L3MBTL4: variants seen among roughly 807,000 people sequenced by gnomAD.
L3MBTL4 encodes lethal(3)malignant brain tumor-like protein 4.
A neutral mutation model predicts 84.5 loss-of-function variants in L3MBTL4; 70 were observed. The observed-to-expected ratio is 0.83, with a 90% CI of 0.68 to 1.01. The LOEUF (loss-of-function observed/expected upper bound fraction) is 1.01, where lower values mean the gene tolerates loss of function less well. Ranked by LOEUF, L3MBTL4 falls within the 50% of genes least tolerant of loss-of-function variation. The pLI is 0.00. For missense variants in L3MBTL4, 715 were observed against 754.8 expected (o/e 0.95, Z 0.62); for synonymous variants, 274 against 259.8 (o/e 1.05, Z -0.52).
intron 16 of L3MBTL4, among the ~76,000 whole-genome samples, chr18:6,057,751 A>C (rs917245609): frequency 6.6e-6 from 1 of 152,224 alleles, no homozygotes; most frequent in African/African-American, 2.4e-5. Context: ...TGTCTGTGCT[A>C]ATAAATAAAG....
At chr18:5,989,865 G>T (rs529043215) in intron 16 of L3MBTL4, among the ~76,000 whole-genome samples, 15 of 152,338 alleles carry the variant, frequency 9.8e-5, no homozygotes, top group African/African-American at 3.4e-4. Context: ...CACTTGGAAG[G>T]TCCCCTTTGC....
intron 10 of L3MBTL4, among the ~76,000 whole-genome samples, chr18:6,226,165 C>G (rs73385925): frequency 0.1 from 15,345 of 152,026 alleles, 2,618 homozygotes; most frequent in African/African-American, 0.35. Flanking sequence ...CCAACACTTT[C>G]GGAGGCAGAG....
intron 10 of L3MBTL4, among the ~76,000 whole-genome samples, chr18:6,236,004 G>GA (rs1221506994): frequency 6.6e-6 from 1 of 152,172 alleles, no homozygotes; most frequent in African/African-American, 2.4e-5. Flanking sequence ...ATATTGTGAA[G>GA]ATGACAATAC....
intron 12 of L3MBTL4, among the ~76,000 whole-genome samples, chr18:6,178,745 A>C (rs1191082875): frequency 2.6e-5 from 4 of 152,208 alleles, no homozygotes; most frequent in African/African-American, 9.6e-5. Context: ...ATAACTTGGA[A>C]ATTTAAAAGT....
intron 4 of L3MBTL4, among the ~76,000 whole-genome samples, chr18:6,297,242 G>T (rs1202955721): frequency 6.6e-6 from 1 of 152,176 alleles, no homozygotes; most frequent in Non-Finnish European, 1.5e-5. Flanking sequence ...GATGCTACTG[G>T]CGACTTCTGG....
intron 17 of L3MBTL4, 138 bp from the exon 18 acceptor site, chr18:5,960,294 T>A (rs2095257266): frequency 7.8e-6 from 3 of 383,260 alleles, no homozygotes; most frequent in African/African-American, 2.1e-5. Flanking sequence ...TCAAGTTGCA[T>A]TAGCATTTGT....
chr18:6,241,595 T>A, intron 7 of L3MBTL4, 146 bp from the exon 8 acceptor site: 1 of 523,910 alleles, frequency 1.9e-6, no homozygotes. Flanking sequence ...CAACCTCATA[T>A]GGTTATTATT....
chr18:6,382,584 T>G (rs1805467925), intron 1 of L3MBTL4, among the ~76,000 whole-genome samples: 1 of 152,238 alleles, frequency 6.6e-6, no homozygotes, highest in African/African-American at 2.4e-5. Flanking sequence ...GCTGCAGGTC[T>G]GCTGCAGTTT....
intron 1 of L3MBTL4, among the ~76,000 whole-genome samples, chr18:6,402,411 C>T (rs2055551153): frequency 6.6e-6 from 1 of 152,086 alleles, no homozygotes; most frequent in Non-Finnish European, 1.5e-5. Flanking sequence ...TAAAATATAA[C>T]TCAGTCTTAA....
chr18:6,250,033 G>A (rs1292414902), intron 5 of L3MBTL4, among the ~76,000 whole-genome samples: 1 of 152,186 alleles, frequency 6.6e-6, no homozygotes, highest in Non-Finnish European at 1.5e-5. Context: ...CCTGGCTAGA[G>A]GCCATGGAAG....
At chr18:6,311,682 T>G in intron 2 of L3MBTL4, 26 bp from the exon 3 acceptor site, 1 of 1,387,266 alleles carries the variant, frequency 7.2e-7, no homozygotes, top group South Asian at 1.2e-5. Flanking sequence ...ACATAAGAAG[T>G]TGGGGATGGG....
chr18:6,078,279 T>C (rs911661137), intron 16 of L3MBTL4, among the ~76,000 whole-genome samples: 25 of 151,402 alleles, frequency 1.7e-4, no homozygotes, highest in Non-Finnish European at 3.4e-4. Context: ...TACAAAAAGT[T>C]AGCCGGATGT....
At chr18:6,358,068 G>A (rs1449590141) in intron 1 of L3MBTL4, among the ~76,000 whole-genome samples, 1 of 152,132 alleles carries the variant, frequency 6.6e-6, no homozygotes, top group African/African-American at 2.4e-5. Context: ...CCCCCATCAA[G>A]GTGGAGAAAA....
chr18:6,053,696 C>T (rs1009307289), intron 16 of L3MBTL4, among the ~76,000 whole-genome samples: 7 of 152,168 alleles, frequency 4.6e-5, no homozygotes, highest in Non-Finnish European at 1.0e-4. Flanking sequence ...TCTCTGGTTG[C>T]GCCTATGGTC....
intron 16 of L3MBTL4, among the ~76,000 whole-genome samples, chr18:6,022,611 T>A (rs2055321487): frequency 2.6e-5 from 4 of 152,228 alleles, no homozygotes; most frequent in African/African-American, 9.6e-5. Context: ...AGCATAGTGC[T>A]ACTTACTTGC....
Position 6,343,406 on chromosome 18 carries a change from G to A in L3MBTL4, c.-90-31350C>T, listed in dbSNP as rs144512440. The stretch of plus-strand genomic sequence containing the variant: ...CGGCTGGGTGCGGTGGCTCATGCCT[G>A]TAATCCCAGCACTCTGGGAGGCCGA... On this transcript the variant is annotated intron_variant, in intron 1 of 18. Coordinates refer to ENST00000317931, the MANE Select transcript of L3MBTL4 (RefSeq NM_001330559.2). 7.8e-3 allele frequency among the ~76,000 whole-genome samples: 1,192 copies of A among 152,280 alleles called. 13 individuals are homozygous for A. Among genetic ancestry groups the A allele is most frequent in the South Asian group, 0.04 (194 of 4,818 alleles).
intron 1 of L3MBTL4, among the ~76,000 whole-genome samples, chr18:6,342,821 G>A (rs1324486617): frequency 2.0e-5 from 3 of 151,776 alleles, no homozygotes; most frequent in South Asian, 4.2e-4. Context: ...ATCCAACTAT[G>A]AGCTGTTTCT....
At chr18:6,090,268 G>A (rs995614460) in intron 15 of L3MBTL4, among the ~76,000 whole-genome samples, 5 of 151,978 alleles carry the variant, frequency 3.3e-5, no homozygotes, top group Non-Finnish European at 4.4e-5. Context: ...ACGTCTAGCA[G>A]TACATATATA....
At chr18:6,186,670 A>G (rs1052462802) in intron 12 of L3MBTL4, among the ~76,000 whole-genome samples, 1 of 152,190 alleles carries the variant, frequency 6.6e-6, no homozygotes, top group Non-Finnish European at 1.5e-5. Flanking sequence ...CCAAGGGCAG[A>G]AAGGCAAGTT....
Sources: allele counts gnomAD v4.1 joint callset (sites outside exome capture counted in the v4.1 genomes callset), GRCh38; gene constraint gnomAD v4.1.1; transcripts MANE v1.5; gene names NCBI Gene and HGNC (gene_info 2026-07-23, HGNC 2026-07-21).